MMP3: variants seen among roughly 807,000 people sequenced by gnomAD.
MMP3 encodes the protein matrix metallopeptidase 3.
In MMP3, 46 loss-of-function variants were observed where a neutral mutation model predicts 47.3. The observed-to-expected ratio is 0.97, with a 90% CI of 0.77 to 1.24. MMP3 has a LOEUF of 1.24. Ranked by LOEUF, MMP3 falls within the 50% of genes most tolerant of loss-of-function variation. The probability of loss-of-function intolerance (pLI) is 0.00; values close to 1 mark genes in which losing one functional copy is unlikely to be tolerated. For synonymous variants in MMP3, 216 were observed against 206.5 expected, an observed-to-expected ratio of 1.05 and a Z score of -0.39; for missense variants, 558 against 565.5, an observed-to-expected ratio of 0.99 and a Z score of 0.13.
intron 1 of MMP3, among the ~76,000 whole-genome samples, 168 bp downstream of exon 1, chr11:102,843,274 T>G (rs192757729): frequency 2.1e-4 from 32 of 152,268 alleles, no homozygotes; most frequent in African/African-American, 7.5e-4. Flanking sequence ...GAAGCCCAAA[T>G]GGTGTGATAA....
chr11:102,843,551 A>G lies in MMP3; in HGVS notation c.-5T>C, dbSNP rs782276934. On this transcript the variant is annotated 5_prime_UTR_variant, in exon 1 of 10. Coordinates refer to ENST00000299855, the MANE Select transcript of MMP3 (RefSeq NM_002422.5). The stretch of plus-strand genomic sequence containing the variant: ...TAGGATTGGAAGACTCTTCATTTCC[A>G]CTGGCTTTACTTAGCTCTATGTTGT... 3.1e-6 allele frequency: 5 copies of G among 1,609,664 alleles called. No homozygotes were observed. In the Admixed American group the frequency reaches 5.0e-5, roughly 16 times the overall value.
intron 6 of MMP3, among the ~76,000 whole-genome samples, chr11:102,839,623 T>C (rs2134399290): frequency 6.6e-6 from 1 of 152,326 alleles, no homozygotes; most frequent in Admixed American, 6.5e-5. Flanking sequence ...TGTATGTGTG[T>C]AGAAAGATTC....
At position 102,836,541 on chromosome 11, in the gene MMP3, C is replaced by G. The variant is rs1858885752; in HGVS notation, c.1334-315G>C. On this transcript the variant is annotated intron_variant, in intron 9 of 9. Coordinates refer to ENST00000299855, the MANE Select transcript of MMP3 (RefSeq NM_002422.5). This position sits in a 1 kb window ranked among gnomAD's most constrained non-coding sequence, Gnocchi z 4.6. ...GTGCCAGCTCTGTCTGAAAACACAG[C>G]CAGATTCCAGGTTACAGGGTTATTC... 1 of 505,340 alleles carries G rather than the reference C, an allele frequency of 2.0e-6. No individual in the cohort carries two copies. Among genetic ancestry groups the G allele is most frequent in the South Asian group, 1.5e-5 (1 of 64,864 alleles). 31.3% of individuals were successfully genotyped at this position (505,340 alleles called of 1,614,324 possible). A position where few individuals can be genotyped will look rare whatever the true frequency, so the allele number is the denominator to read the frequency against.
Position 102,842,495 on chromosome 11 carries a change from A to G in MMP3, c.435T>C (p.Thr145=). The G allele has an allele frequency of 6.3e-7, 1 of 1,577,630 alleles. No homozygotes were observed. The highest frequency in any genetic ancestry group is 1.1e-5 in the South Asian group (1 of 90,306). ...CATACAGCCTGGAGAATGTGAGTGG[A>G]GTCACCTCTTCCCAGACTTTCAGAG... ...EKALKVWEEV[T]PLTFSRLYEG... is the part of the protein sequence containing the mutation. The change falls in exon 3 of 10, where the codon ACT becomes ACC. Residue 145 remains threonine (T), a synonymous_variant. Coordinates refer to ENST00000299855, the MANE Select transcript of MMP3 (RefSeq NM_002422.5).
At chr11:102,842,404 C>CTTTTTTTTTTTTGTTTTT (rs1859018421) in intron 3 of MMP3, 27 bp downstream of exon 3, 1 of 630,892 alleles carries the variant, frequency 1.6e-6, no homozygotes, top group Non-Finnish European at 2.1e-6. Flanking sequence ...TTTTGTTTTG[C>CTTTTTTTTTTTTGTTTTT]TTTTTTTTTT....
Position 102,842,883 on chromosome 11 carries a change from C to T in MMP3, c.139G>A (p.Asp47Asn). Residue 47 changes from aspartate (D) to asparagine (N), a missense_variant, in exon 2 of 10, where the codon GAT becomes AAT. Transcript: ENST00000299855. ...YLENYYDLKK[D>N]VKQFVRRKDS... ...TTTCTCCTAACAAACTGTTTCACAT[C>T]TTTTTTGAGGTCGTAGTAGTTTTCT... 2 of 1,611,814 alleles carry T rather than the reference C, an allele frequency of 1.2e-6. No homozygotes were observed. Among genetic ancestry groups the T allele is most frequent in the Non-Finnish European group, 1.7e-6 (2 of 1,178,476 alleles).
At position 102,842,874 on chromosome 11, in the gene MMP3, G is replaced by T. The variant is rs372498396; in HGVS notation, c.148C>A (p.Gln50Lys). Reference protein sequence around the residue: ...NYYDLKKDVKQFVRRKDSGPV... With the variant: ...NYYDLKKDVKKFVRRKDSGPV... The stretch of plus-strand genomic sequence containing the variant: ...CCACTGTCCTTTCTCCTAACAAACT[G>T]TTTCACATCTTTTTTGAGGTCGTAG... The change falls in exon 2 of 10, where the codon CAG (glutamine) becomes AAG (lysine). Residue 50 changes from glutamine (Q) to lysine (K), a missense_variant. Gln to Lys is a moderately conservative substitution (Grantham distance 53). Transcript: ENST00000299855. 29 of 1,612,260 alleles carry T rather than the reference G, an allele frequency of 1.8e-5. No individual in the cohort carries two copies. The highest frequency in any genetic ancestry group is 2.5e-5 in the Non-Finnish European group (29 of 1,178,952).
In MMP3 at chr11:102,842,178, C is replaced by T. The variant is rs782487068; in HGVS notation, c.601G>A (p.Glu201Lys). Residue 201 changes from glutamate to lysine, a missense_variant, in exon 4 of 10, where the codon GAA (glutamate) becomes AAA (lysine). Glu to Lys is a moderately conservative substitution (Grantham distance 56). Transcript: ENST00000299855. The part of the protein sequence containing the change: ...INGDAHFDDD[E>K]QWTKDTTGTN... Reference sequence around the variant, plus strand: ...CCTGTTGTATCCTTTGTCCATTGTTCATCATCATCAAAGTGGGCATCTCCA... The same window carrying T: ...CCTGTTGTATCCTTTGTCCATTGTTTATCATCATCAAAGTGGGCATCTCCA... 5.0e-6 allele frequency: 8 copies of T among 1,610,080 alleles called. No individual in the cohort carries two copies. The Middle Eastern group carries it at 9.9e-4, about 199-fold the overall frequency.
chr11:102,837,487 T>G lies in MMP3; in HGVS notation c.1230-86A>C. Reference sequence around the variant, plus strand: ...GATCATGTTAGGTTTAATGTGGAATTTTACTAAACTTTATAAATACTGCAA... The same window carrying G: ...GATCATGTTAGGTTTAATGTGGAATGTTACTAAACTTTATAAATACTGCAA... On this transcript the variant is annotated intron_variant, in intron 8 of 9. Coordinates refer to ENST00000299855, the MANE Select transcript of MMP3 (RefSeq NM_002422.5). This position sits in a 1 kb window ranked among gnomAD's most constrained non-coding sequence, Gnocchi z 4.4. 1 of 928,172 alleles carries G rather than the reference T, an allele frequency of 1.1e-6. No individual in the cohort carries two copies. The highest frequency in any genetic ancestry group is 1.5e-5 in the South Asian group (1 of 67,148). 57.5% of individuals were successfully genotyped at this position (928,172 alleles called of 1,614,324 possible). A position where few individuals can be genotyped will look rare whatever the true frequency, so the allele number is the denominator to read the frequency against.
chr11:102,836,266 A>G lies in MMP3; in HGVS notation c.1334-40T>C. On this transcript the variant is annotated intron_variant, in intron 9 of 9. Transcript: ENST00000299855. This position sits in a 1 kb window ranked among gnomAD's most constrained non-coding sequence, Gnocchi z 4.6. The stretch of plus-strand genomic sequence containing the variant: ...AAGGGAAATAGTAAGATATTTTTCC[A>G]AATAAAGACATTTGACAATATACAA... 2.7e-6 allele frequency: 4 copies of G among 1,472,988 alleles called. No individual in the cohort carries two copies. In the East Asian group the frequency reaches 6.8e-5, roughly 25 times the overall value. The allele number at this position is 1,472,988 out of a possible 1,614,324, so 91.2% of individuals were successfully genotyped here. A position where few individuals can be genotyped will look rare whatever the true frequency, so the allele number is the denominator to read the frequency against.
Position 102,837,196 on chromosome 11 carries a change from C to T in MMP3, c.1333+102G>A. The T allele has an allele frequency of 1.2e-6, 1 of 862,188 alleles. No individual in the cohort carries two copies. The highest frequency in any genetic ancestry group is 2.2e-5 in the Admixed American group (1 of 44,678). 53.4% of individuals were successfully genotyped at this position (862,188 alleles called of 1,614,324 possible). A position where few individuals can be genotyped will look rare whatever the true frequency, so the allele number is the denominator to read the frequency against. On this transcript the variant is annotated intron_variant, in intron 9 of 9. Coordinates refer to ENST00000299855, the MANE Select transcript of MMP3 (RefSeq NM_002422.5). This position sits in a 1 kb window ranked among gnomAD's most constrained non-coding sequence, Gnocchi z 4.4. ...CAAAATTTTGAGAAGGGAACTGGCC[C>T]TAAGAAACACTTGTTATTAAAAAGT...
In MMP3 at chr11:102,842,530, C is replaced by T. The variant is rs782312096; in HGVS notation, c.400G>A (p.Val134Ile). Reference sequence around the variant, plus strand: ...TCCCAGACTTTCAGAGCTTTCTCAACAGCAGAATCAACAGCATCTTTTGGC... The same window carrying T: ...TCCCAGACTTTCAGAGCTTTCTCAATAGCAGAATCAACAGCATCTTTTGGC... ...DLPKDAVDSA[V>I]EKALKVWEEV... is the part of the protein sequence containing the mutation. The change falls in exon 3 of 10, where the codon GTT becomes ATT. Residue 134 changes from valine (V) to isoleucine (I), a missense_variant. Val to Ile is a conservative substitution (Grantham distance 29). Coordinates refer to ENST00000299855, the MANE Select transcript of MMP3 (RefSeq NM_002422.5). The T allele has an allele frequency of 1.3e-6, 2 of 1,593,844 alleles. No homozygotes were observed. Among genetic ancestry groups the T allele is most frequent in the African/African-American group, 1.4e-5 (1 of 73,008 alleles).
chr11:102,842,404 C>CTTTTTTTTTTTTTTTTTTTTTTTTTTGTT, intron 3 of MMP3, 27 bp downstream of exon 3: 4 of 810,714 alleles, frequency 4.9e-6, no homozygotes, highest in Non-Finnish European at 4.8e-6. Context: ...TTTTGTTTTG[C>CTTTTTTTTTTTTTTTTTTTTTTTTTTGTT]TTTTTTTTTT....
chr11:102,836,202 G>A lies in MMP3; in HGVS notation c.1358C>T (p.Ser453Phe). Residue 453 changes from serine (S) to phenylalanine (F), a missense_variant, in exon 10 of 10, where the codon TCT (serine) becomes TTT (phenylalanine). Ser to Phe is a radical substitution (Grantham distance 155, BLOSUM62 -2). Transcript: ENST00000299855. The surrounding 1 kb of genome is among the most constrained non-coding windows in gnomAD (Gnocchi z 4.6). ...EFGFFYFFTG[S>F]SQLEFDPNAK... ...ATTTGGGTCAAACTCCAACTGTGAAGATCCAGTAAAGAAATAAAAGAACCC... is the reference window on the plus strand; with the variant it reads ...ATTTGGGTCAAACTCCAACTGTGAAAATCCAGTAAAGAAATAAAAGAACCC... 1.2e-6 allele frequency: 2 copies of A among 1,613,736 alleles called. No homozygotes were observed. Among genetic ancestry groups the A allele is most frequent in the Non-Finnish European group, 1.7e-6 (2 of 1,179,738 alleles).
intron 4 of MMP3, among the ~76,000 whole-genome samples, chr11:102,840,829 C>A (rs1858984560): frequency 6.6e-6 from 1 of 151,990 alleles, no homozygotes; most frequent in South Asian, 2.1e-4. Context: ...CATCCACTTG[C>A]CCCCCATGGC....
At chr11:102,840,296 C>T in intron 5 of MMP3, 44 bp from the exon 6 acceptor site, 2 of 1,602,962 alleles carry the variant, frequency 1.2e-6, no homozygotes, top group South Asian at 1.1e-5. Flanking sequence ...TCAATATATG[C>T]CCATTTGTAT....
Position 102,837,270 on chromosome 11 carries a change from A to C in MMP3, c.1333+28T>G. Reference sequence around the variant, plus strand: ...TATCATAAAATGTTTCAAGTGCTCTATGGCCAACACAGTAAGTATCCTCTT... The same window carrying C: ...TATCATAAAATGTTTCAAGTGCTCTCTGGCCAACACAGTAAGTATCCTCTT... On this transcript the variant is annotated intron_variant, in intron 9 of 9. Coordinates refer to ENST00000299855, the MANE Select transcript of MMP3 (RefSeq NM_002422.5). This position sits in a 1 kb window ranked among gnomAD's most constrained non-coding sequence, Gnocchi z 4.4. 35 of 1,504,418 alleles carry C rather than the reference A, an allele frequency of 2.3e-5. No individual in the cohort carries two copies. The highest frequency in any genetic ancestry group is 3.0e-5 in the Non-Finnish European group (32 of 1,081,700). The allele number at this position is 1,504,418 out of a possible 1,614,324, so 93.2% of individuals were successfully genotyped here.
At chr11:102,838,483 T>C in intron 8 of MMP3, 68 bp downstream of exon 8, 2 of 1,518,330 alleles carry the variant, frequency 1.3e-6, no homozygotes, top group South Asian at 1.3e-5. Flanking sequence ...GGGTGGGGGA[T>C]TTCCTTAGTA....
At position 102,836,019 on chromosome 11, in the gene MMP3, G is replaced by T; in HGVS notation, c.*107C>A. 1.2e-6 allele frequency: 1 copy of T among 825,470 alleles called. No homozygotes were observed. The highest frequency in any genetic ancestry group is 2.0e-6 in the Non-Finnish European group (1 of 502,576). 51.1% of individuals were successfully genotyped at this position (825,470 alleles called of 1,614,324 possible). A position where few individuals can be genotyped will look rare whatever the true frequency, so the allele number is the denominator to read the frequency against. ...TCAAGTTCCCTTGAGTGTGACTCGA[G>T]TCACAGCACAGGCAGGAGAAAACGA... On this transcript the variant is annotated 3_prime_UTR_variant, in exon 10 of 10. Coordinates refer to ENST00000299855, the MANE Select transcript of MMP3 (RefSeq NM_002422.5). The surrounding 1 kb of genome is among the most constrained non-coding windows in gnomAD (Gnocchi z 4.6).
Sources: gnomAD v4.1 joint callset for allele counts (sites outside exome capture counted in the v4.1 genomes callset) on GRCh38, gnomAD v4.1.1 for gene constraint, Gnocchi (gnomAD v3.1) non-coding constraint, MANE v1.5 for transcripts, NCBI Gene and HGNC (gene_info 2026-07-23, HGNC 2026-07-21) for gene names.